Variants in STARD9 observed in about 807,000 individuals in gnomAD.
STARD9 encodes the protein stAR-related lipid transfer protein 9.
STARD9 carries 346 observed loss-of-function variants against 399.8 expected under a neutral mutation model. The observed-to-expected ratio is 0.87, with a 90% CI of 0.79 to 0.95. The LOEUF is 0.95. Ranked by LOEUF, STARD9 falls within the 40% of genes least tolerant of loss-of-function variation. The pLI is 0.00. For missense variants in STARD9, 5,832 were observed against 5,667.5 expected (o/e 1.03, Z -0.93); for synonymous variants, 2,203 against 2,143.5 (o/e 1.03, Z -0.77).
chr15:42,643,398 A>G (rs1461485299), intron 7 of STARD9, among the ~76,000 whole-genome samples: 1 of 151,784 alleles, frequency 6.6e-6, no homozygotes, highest in South Asian at 2.1e-4. Context: ...GTTTCACCAT[A>G]TTGGTCAGGC....
At chr15:42,680,115 A>G (rs1354995615) in intron 20 of STARD9, among the ~76,000 whole-genome samples, 1 of 152,174 alleles carries the variant, frequency 6.6e-6, no homozygotes, top group African/African-American at 2.4e-5. Flanking sequence ...TGGGGTGCCC[A>G]TACAGTTGGC....
chr15:42,643,527 G>A (rs2059583336), intron 7 of STARD9, among the ~76,000 whole-genome samples: 1 of 151,828 alleles, frequency 6.6e-6, no homozygotes, highest in South Asian at 2.1e-4. Context: ...ACAGAGTCTC[G>A]CTCTGTCGCC....
At chr15:42,633,633 C>T (rs970099680) in intron 3 of STARD9, among the ~76,000 whole-genome samples, 17 of 150,964 alleles carry the variant, frequency 1.1e-4, no homozygotes, top group East Asian at 7.7e-4. Context: ...TGTCCGGCCC[C>T]GTTTCTTTCT....
In STARD9 at chr15:42,688,777, C is replaced by G; in HGVS notation, c.7199C>G (p.Ser2400Cys). ...HSPEGNVRGR[S>C]SEAHTAWCGS... The stretch of plus-strand genomic sequence containing the variant: ...CCCGAAGGAAATGTTAGAGGGCGTT[C>G]CTCTGAGGCACACACTGCCTGGTGT... Residue 2400 changes from serine to cysteine, a missense_variant, in exon 23 of 33, where the codon TCC (serine) becomes TGC (cysteine). Ser to Cys is a moderately radical substitution (Grantham distance 112, BLOSUM62 -1). Transcript: ENST00000290607. 6.5e-7 allele frequency: 1 copy of G among 1,537,526 alleles called. No individual in the cohort carries two copies. Among genetic ancestry groups the G allele is most frequent in the Non-Finnish European group, 8.7e-7 (1 of 1,146,964 alleles).
In STARD9 at chr15:42,720,124, T is replaced by C. The variant is rs540469855; in HGVS notation, c.*550T>C. On this transcript the variant is annotated 3_prime_UTR_variant, in exon 33 of 33. Transcript: ENST00000290607. Reference sequence around the variant, plus strand: ...ACCGATTCAGAATCTTTTCTCCCTCTTGAGTTTTTGCAAAATACTTTATTA... The same window carrying C: ...ACCGATTCAGAATCTTTTCTCCCTCCTGAGTTTTTGCAAAATACTTTATTA... The C allele has an allele frequency of 6.6e-6, 1 of 152,550 alleles. No individual in the cohort carries two copies. Among genetic ancestry groups the C allele is most frequent in the African/African-American group, 2.4e-5 (1 of 41,592 alleles). The allele number at this position is 152,550 out of a possible 1,614,324, so 9.4% of individuals were successfully genotyped here.
In STARD9 at chr15:42,582,308, C is replaced by G. The variant is rs12440556; in HGVS notation, c.48-1038C>G. Among the ~76,000 whole-genome samples, 726 of 152,284 alleles carry G rather than the reference C, an allele frequency of 4.8e-3. 9 individuals carry two copies. The East Asian group carries it at 0.056, about 12-fold the overall frequency. On this transcript the variant is annotated intron_variant, in intron 1 of 32. Coordinates refer to ENST00000290607, the MANE Select transcript of STARD9 (RefSeq NM_020759.3). ...AGGCTAGGAGTAATTTAATTGATAACTTTTATTGTTTGTAGTGGAGGATGT... is the reference window on the plus strand; with the variant it reads ...AGGCTAGGAGTAATTTAATTGATAAGTTTTATTGTTTGTAGTGGAGGATGT...
chr15:42,682,741 C>T (rs942377391), intron 22 of STARD9, among the ~76,000 whole-genome samples, 166 bp downstream of exon 22: 1 of 152,208 alleles, frequency 6.6e-6, no homozygotes, highest in African/African-American at 2.4e-5. Flanking sequence ...GGTTACTCTT[C>T]TTTCTGTGTA....
chr15:42,661,002 G>C (rs2140090223), intron 9 of STARD9, among the ~76,000 whole-genome samples, 156 bp from the exon 10 acceptor site: 1 of 151,614 alleles, frequency 6.6e-6, no homozygotes, highest in East Asian at 1.9e-4. Context: ...TTATCTGTCA[G>C]ATATTGAGAG....
At position 42,694,019 on chromosome 15, in the gene STARD9, G is replaced by A; in HGVS notation, c.12441G>A (p.Gly4147=). ...PVHNKFSNWC[G]VQKGSPGGLD... ...ATAACAAATTTAGTAACTGGTGTGG[G>A]GTTCAGAAGGGCTCACCTGGGGGGT... The change falls in exon 23 of 33, where the codon GGG becomes GGA. Residue 4147 remains glycine (G), a synonymous_variant. Transcript: ENST00000290607. The A allele has an allele frequency of 1.3e-6, 2 of 1,527,486 alleles. No individual in the cohort carries two copies. The highest frequency in any genetic ancestry group is 1.8e-6 in the Non-Finnish European group (2 of 1,142,060). 94.6% of individuals were successfully genotyped at this position (1,527,486 alleles called of 1,614,324 possible). A position where few individuals can be genotyped will look rare whatever the true frequency, so the allele number is the denominator to read the frequency against.
chr15:42,661,172 C>A lies in STARD9; in HGVS notation c.717C>A (p.Asn239Lys), dbSNP rs1566912122. 1 of 1,536,698 alleles carries A rather than the reference C, an allele frequency of 6.5e-7. No homozygotes were observed. Among genetic ancestry groups the A allele is most frequent in the East Asian group, 2.4e-5 (1 of 40,898 alleles). ...TIHYTQAILE[N>K]NLPSEMASKI... ...TTCTCCTCTAGGCAATCCTGGAGAA[C>A]AACCTCCCTTCTGAAATGGCTAGCA... The change falls in exon 10 of 33, where the codon AAC becomes AAA. Residue 239 changes from asparagine (N) to lysine (K), a missense_variant. Asn to Lys is a moderately conservative substitution (Grantham distance 94). Around this residue, in one of 2 missense-constraint regions of STARD9, gnomAD observed 5,828 missense variants for 5,651.1 expected, o/e 1.03. Transcript: ENST00000290607.
chr15:42,642,167 A>G (rs2059551345), intron 7 of STARD9, among the ~76,000 whole-genome samples: 1 of 152,222 alleles, frequency 6.6e-6, no homozygotes, highest in Non-Finnish European at 1.5e-5. Flanking sequence ...CCAATTCTAC[A>G]GAAATTTATT....
At chr15:42,579,093 G>A (rs1200747681) in intron 1 of STARD9, among the ~76,000 whole-genome samples, 2 of 152,164 alleles carry the variant, frequency 1.3e-5, no homozygotes, top group Non-Finnish European at 2.9e-5. Context: ...CTTTCTATGA[G>A]GGGAGTCATT....
Position 42,716,888 on chromosome 15 carries a change from G to A in STARD9, c.13373-39G>A, listed in dbSNP as rs368260191. 1.9e-4 allele frequency: 296 copies of A among 1,536,426 alleles called. 1 individual carries two copies. The African/African-American group carries it at 3.5e-3, about 18-fold the overall frequency. ...GCTGTTGCTGTCCTGAGGCCCTGAT[G>A]TTCAGTGCTATCACAGGGCCTCCAC... is the stretch of plus-strand genomic sequence containing the variant. On this transcript the variant is annotated intron_variant, in intron 27 of 32. Coordinates refer to ENST00000290607, the MANE Select transcript of STARD9 (RefSeq NM_020759.3).
chr15:42,638,429 C>G (rs1428925218), intron 6 of STARD9, among the ~76,000 whole-genome samples: 1 of 152,102 alleles, frequency 6.6e-6, no homozygotes, highest in African/African-American at 2.4e-5. Flanking sequence ...TGCGGTGAAT[C>G]TGGGAGGCGG....
chr15:42,692,535 A>G lies in STARD9; in HGVS notation c.10957A>G (p.Ser3653Gly). 1 of 1,537,232 alleles carries G rather than the reference A, an allele frequency of 6.5e-7. No homozygotes were observed. The highest frequency in any genetic ancestry group is 8.7e-7 in the Non-Finnish European group (1 of 1,146,918). ...QTLGSRRHWS[S>G]TDISFAQPEA... The stretch of plus-strand genomic sequence containing the variant: ...CCTCGGCAGCAGGCGCCACTGGAGC[A>G]GCACTGACATCTCCTTTGCTCAGCC... Residue 3653 changes from serine (S) to glycine (G), a missense_variant, in exon 23 of 33, where the codon AGC (serine) becomes GGC (glycine). Physicochemically the swap from Ser to Gly is moderately conservative, Grantham distance 56. This residue lies in a region of STARD9 where 5,828 missense variants were observed against 5,651.1 expected (regional missense o/e 1.03). Coordinates refer to ENST00000290607, the MANE Select transcript of STARD9 (RefSeq NM_020759.3).
At chr15:42,647,783 A>C (rs2059673440) in intron 7 of STARD9, among the ~76,000 whole-genome samples, 1 of 151,922 alleles carries the variant, frequency 6.6e-6, no homozygotes, top group African/African-American at 2.4e-5. Context: ...TTTTCTCTTT[A>C]CTTTTCCTGT....
At chr15:42,710,890 GCTCTCT>G (rs34768575) in intron 26 of STARD9, among the ~76,000 whole-genome samples, 28 of 133,786 alleles carry the variant, frequency 2.1e-4, no homozygotes, top group Non-Finnish European at 2.6e-4. Flanking sequence ...TCACTTGTGC[GCTCTCT>G]CTCTCTCTCT....
intron 1 of STARD9, among the ~76,000 whole-genome samples, chr15:42,579,548 G>A (rs752570963): frequency 3.3e-5 from 5 of 152,068 alleles, no homozygotes; most frequent in Non-Finnish European, 5.9e-5. Flanking sequence ...TTGTAAAATG[G>A]CCAGGTAGAG....
Position 42,692,078 on chromosome 15 carries a change from C to G in STARD9, c.10500C>G (p.Pro3500=). The change falls in exon 23 of 33, where the codon CCC becomes CCG. Residue 3500 remains proline (P), a synonymous_variant. Transcript: ENST00000290607. ...SAVDVSCSQK[P]QGLTLSNVAR... is the part of the protein sequence containing the mutation. ...TCGATGTTTCCTGCAGCCAGAAGCC[C>G]CAGGGGCTGACACTATCAAATGTGG... is the stretch of plus-strand genomic sequence containing the variant. 6.5e-7 allele frequency: 1 copy of G among 1,537,230 alleles called. No homozygotes were observed. Among genetic ancestry groups the G allele is most frequent in the South Asian group, 1.2e-5 (1 of 84,058 alleles).
Sources: gnomAD v4.1 joint callset for allele counts (sites outside exome capture counted in the v4.1 genomes callset) on GRCh38, gnomAD v4.1.1 for gene constraint, gnomAD v4.1.1 regional missense constraint, MANE v1.5 for transcripts, NCBI Gene and HGNC (gene_info 2026-07-23, HGNC 2026-07-21) for gene names.